The following SPAST variants were observed in gnomAD, a reference collection of about 807,000 sequenced individuals.
SPAST encodes the protein spastic paraplegia 4 (autosomal dominant; spastin).
In SPAST, 30 loss-of-function variants were observed where a neutral mutation model predicts 76.6. The ratio of observed to expected loss-of-function variants is 0.39; its 90% CI spans 0.29 to 0.53. The LOEUF is 0.53. Among genes scored for constraint, SPAST ranks in the 20% least tolerant of loss-of-function variants. SPAST has a pLI of 0.68. For synonymous variants in SPAST, 305 were observed against 281.0 expected (o/e 1.09, Z -0.86); for missense variants, 717 against 770.5 (o/e 0.93, Z 0.82).
intron 4 of SPAST, among the ~76,000 whole-genome samples, chr2:32,102,821 A>G (rs1678177992): frequency 6.6e-6 from 1 of 152,154 alleles, no homozygotes; most frequent in African/African-American, 2.4e-5. Context: ...GGATGAAGCC[A>G]ACTTGATTGC....
chr2:32,081,256 GT>G (rs1297303444), intron 1 of SPAST, among the ~76,000 whole-genome samples: 2 of 151,150 alleles, frequency 1.3e-5, no homozygotes, highest in African/African-American at 2.4e-5. Flanking sequence ...CTCACCTGGC[GT>G]TTTTTTGTGT....
intron 3 of SPAST, among the ~76,000 whole-genome samples, chr2:32,090,361 A>G (rs1021694204): frequency 2.6e-5 from 4 of 152,196 alleles, no homozygotes; most frequent in African/African-American, 7.2e-5. Flanking sequence ...TTCACTTGAC[A>G]TCCCACTTCA....
chr2:32,154,588 G>A lies in SPAST; in HGVS notation c.*92G>A. ...GTCATCGGCTACAGAAACAGCCTAA[G>A]TTTACAGGACTTTTTAGAGTCTTAC... On this transcript the variant is annotated 3_prime_UTR_variant, in exon 17 of 17. Coordinates refer to ENST00000315285, the MANE Select transcript of SPAST (RefSeq NM_014946.4). The A allele has an allele frequency of 7.5e-7, 1 of 1,339,298 alleles. No individual in the cohort carries two copies. The highest frequency in any genetic ancestry group is 1.1e-6 in the Non-Finnish European group (1 of 937,958). 83.0% of individuals were successfully genotyped at this position (1,339,298 alleles called of 1,614,324 possible). A position where few individuals can be genotyped will look rare whatever the true frequency, so the allele number is the denominator to read the frequency against.
chr2:32,091,331 A>AG (rs1677709135), intron 3 of SPAST, among the ~76,000 whole-genome samples: 1 of 148,646 alleles, frequency 6.7e-6, no homozygotes, highest in Non-Finnish European at 1.5e-5. Context: ...CCCAGGCTGG[A>AG]GTGCAGTGGT....
chr2:32,081,231 A>G (rs1677209096), intron 1 of SPAST, among the ~76,000 whole-genome samples: 1 of 152,084 alleles, frequency 6.6e-6, no homozygotes, highest in South Asian at 2.1e-4. Flanking sequence ...TGCTGGGATT[A>G]CAGGCGTGAG....
intron 8 of SPAST, 62 bp from the exon 9 acceptor site, chr2:32,128,346 T>C: frequency 2.5e-6 from 3 of 1,185,016 alleles, no homozygotes; most frequent in South Asian, 1.2e-5. Context: ...TCGGTAAATA[T>C]GGTTATCTTT....
intron 4 of SPAST, among the ~76,000 whole-genome samples, chr2:32,109,525 T>C (rs1408336161): frequency 6.6e-6 from 1 of 152,006 alleles, no homozygotes; most frequent in African/African-American, 2.4e-5. Flanking sequence ...TTTAACTCTT[T>C]TTGCTATTTT....
intron 1 of SPAST, among the ~76,000 whole-genome samples, chr2:32,080,783 CTTTTTTTTTTTT>C (rs1162817708): frequency 2.1e-5 from 1 of 48,430 alleles, no homozygotes; most frequent in Non-Finnish European, 3.9e-5. Context: ...TGGCTCAGTT[CTTTTTTTTTTTT>C]TTTTTTTTTT....
intron 1 of SPAST, among the ~76,000 whole-genome samples, chr2:32,082,215 A>G (rs1573058832): frequency 6.9e-6 from 1 of 145,470 alleles, no homozygotes; most frequent in Non-Finnish European, 1.5e-5. Flanking sequence ...CTGGTCTCGA[A>G]CTCCTGACCC....
In SPAST at chr2:32,070,983, T is replaced by C. The variant is rs563497189; in HGVS notation, c.415+6737T>C. Reference sequence around the variant, plus strand: ...AATTTAAGTGAATGGACTCAAAATATTGTACTTTTTACTTTATACTGCAGG... The same window carrying C: ...AATTTAAGTGAATGGACTCAAAATACTGTACTTTTTACTTTATACTGCAGG... On this transcript the variant is annotated intron_variant, in intron 1 of 16. Coordinates refer to ENST00000315285, the MANE Select transcript of SPAST (RefSeq NM_014946.4). Among the ~76,000 whole-genome samples the C allele has an allele frequency of 4.6e-5, 7 of 152,332 alleles. No individual in the cohort carries two copies. The East Asian group carries it at 5.8e-4, about 13-fold the overall frequency.
chr2:32,087,345 A>C, intron 1 of SPAST, 147 bp from the exon 2 acceptor site: 1 of 501,192 alleles, frequency 2.0e-6, no homozygotes, highest in South Asian at 2.4e-5. Flanking sequence ...TACACATTAC[A>C]ATGATAAAAA....
At chr2:32,087,417 A>G in intron 1 of SPAST, 75 bp from the exon 2 acceptor site, 1 of 848,302 alleles carries the variant, frequency 1.2e-6, no homozygotes, top group Non-Finnish European at 2.0e-6. Context: ...TTTATGTATT[A>G]CCTCTCAACA....
intron 1 of SPAST, among the ~76,000 whole-genome samples, chr2:32,081,430 C>G (rs1677217930): frequency 6.6e-6 from 1 of 152,094 alleles, no homozygotes; most frequent in South Asian, 2.1e-4. Flanking sequence ...ATTCAGGGTC[C>G]CAGCCAAAAT....
At position 32,136,560 on chromosome 2, in the gene SPAST, T is replaced by C; in HGVS notation, c.1246-3T>C. The C allele has an allele frequency of 1.9e-6, 3 of 1,609,468 alleles. No homozygotes were observed. Among genetic ancestry groups the C allele is most frequent in the Non-Finnish European group, 2.6e-6 (3 of 1,175,764 alleles). ...TGTATAACAGTATAATGCTTTGTTT[T>C]AGGTGGGAGAAGGAGAGAAATTGGT... On this transcript the variant is annotated splice_region_variant and splice_polypyrimidine_tract_variant and intron_variant, in intron 9 of 16. Transcript: ENST00000315285.
At position 32,141,953 on chromosome 2, in the gene SPAST, A is replaced by G. The variant is rs1679734363; in HGVS notation, c.1536+7A>G. ...GTCTTTACCAAATGAGGAGGTATGT[A>G]TCTGTGTTTGAATTTTTTTTGTTTT... On this transcript the variant is annotated splice_region_variant and intron_variant, in intron 13 of 16. Transcript: ENST00000315285. 1 of 1,610,560 alleles carries G rather than the reference A, an allele frequency of 6.2e-7. No individual in the cohort carries two copies. The highest frequency in any genetic ancestry group is 1.1e-5 in the South Asian group (1 of 90,994).
At chr2:32,066,098 C>G (rs1479473142) in intron 1 of SPAST, 2 of 151,870 alleles carry the variant, frequency 1.3e-5, no homozygotes, top group Non-Finnish European at 2.9e-5. Flanking sequence ...CTCAGTCTCC[C>G]GAGTAGCTGG....
intron 7 of SPAST, among the ~76,000 whole-genome samples, chr2:32,124,884 CAGGG>C (rs1679141195): frequency 6.6e-6 from 1 of 152,080 alleles, no homozygotes; most frequent in African/African-American, 2.4e-5. Flanking sequence ...CCAAGGGAGA[CAGGG>C]AGAGATGAAT....
intron 16 of SPAST, among the ~76,000 whole-genome samples, chr2:32,148,120 ATGGTGTCTCTCCCTGTTGCCCAGGG>A (rs1409528570): frequency 6.6e-6 from 1 of 151,598 alleles, no homozygotes; most frequent in Non-Finnish European, 1.5e-5. Context: ...TTCTGTAGAG[ATGGTGTCTCTCCCTGTTGCCCAGGG>A]TGGTCTCAGA....
chr2:32,065,901 G>C (rs1209228112), intron 1 of SPAST: 1 of 152,010 alleles, frequency 6.6e-6, no homozygotes, highest in Non-Finnish European at 1.5e-5. Context: ...GGTTAAGAGA[G>C]GTCAAGGAGG....
Sources: allele counts gnomAD v4.1 joint callset (sites outside exome capture counted in the v4.1 genomes callset), GRCh38; gene constraint gnomAD v4.1.1; transcripts MANE v1.5; gene names NCBI Gene and HGNC (gene_info 2026-07-23, HGNC 2026-07-21).